Variants in PPP3CA observed in about 807,000 individuals in gnomAD.
PPP3CA encodes protein phosphatase 3 catalytic subunit alpha.
Under a neutral mutation model 66.5 loss-of-function variants are expected in PPP3CA, and 14 were observed. That is an observed-to-expected ratio of 0.21 (90% CI 0.14 to 0.33). The LOEUF is 0.33. PPP3CA is among the 10% of genes least tolerant of loss of function. The pLI, the probability that PPP3CA is intolerant of heterozygous loss-of-function variation, is 1.00. For missense variants in PPP3CA, 317 were observed against 639.5 expected, an observed-to-expected ratio of 0.50 and a Z score of 5.44; for synonymous variants, 232 against 226.2, an observed-to-expected ratio of 1.03 and a Z score of -0.23.
chr4:101,323,123 C>T (rs1373735352), intron 1 of PPP3CA, among the ~76,000 whole-genome samples: 1 of 152,030 alleles, frequency 6.6e-6, no homozygotes, highest in African/African-American at 2.4e-5. Flanking sequence ...CTTTAGGGTC[C>T]CTTGAAGGGC....
chr4:101,204,872 G>C (rs959209977), intron 1 of PPP3CA, among the ~76,000 whole-genome samples: 1 of 150,780 alleles, frequency 6.6e-6, no homozygotes, highest in African/African-American at 2.4e-5. Flanking sequence ...TTGAAGAATT[G>C]TTGTTTTATA....
At chr4:101,073,241 G>A (rs1199884909) in intron 8 of PPP3CA, among the ~76,000 whole-genome samples, 2 of 100,342 alleles carry the variant, frequency 2.0e-5, no homozygotes, top group Non-Finnish European at 4.7e-5. Flanking sequence ...GTGTGTGTGT[G>A]TGTGTGTGTG....
intron 2 of PPP3CA, among the ~76,000 whole-genome samples, chr4:101,116,031 G>A (rs757882727): frequency 2.0e-5 from 3 of 151,900 alleles, no homozygotes; most frequent in African/African-American, 4.8e-5. Flanking sequence ...TCAATACTAC[G>A]ATTTAGAAGT....
At chr4:101,232,020 A>T (rs1226018395) in intron 1 of PPP3CA, among the ~76,000 whole-genome samples, 1 of 151,598 alleles carries the variant, frequency 6.6e-6, no homozygotes, top group African/African-American at 2.4e-5. Flanking sequence ...TATAAGATAT[A>T]AGCTCCCCAA....
At position 101,326,294 on chromosome 4, in the gene PPP3CA, C is replaced by T. The variant is rs1192334275; in HGVS notation, c.58+20445G>A. On this transcript the variant is annotated intron_variant, in intron 1 of 13. Transcript: ENST00000394854. ...TTCTGTTTTTCAATTCCAGCTTGATCACTTACTAGCTCTCTGATCATGAGA... is the reference window on the plus strand; with the variant it reads ...TTCTGTTTTTCAATTCCAGCTTGATTACTTACTAGCTCTCTGATCATGAGA... 3.3e-5 allele frequency among the ~76,000 whole-genome samples: 5 copies of T among 152,280 alleles called. No individual in the cohort carries two copies. The East Asian group carries it at 9.6e-4, about 29-fold the overall frequency.
At chr4:101,184,418 CA>C (rs1724341931) in intron 2 of PPP3CA, among the ~76,000 whole-genome samples, 1 of 152,084 alleles carries the variant, frequency 6.6e-6, no homozygotes, top group Non-Finnish European at 1.5e-5. Context: ...CTACTAGCCA[CA>C]AGTGGCAATT....
chr4:101,309,285 T>C (rs954861053), intron 1 of PPP3CA, among the ~76,000 whole-genome samples: 1 of 152,180 alleles, frequency 6.6e-6, no homozygotes, highest in Non-Finnish European at 1.5e-5. Flanking sequence ...TCTTGGTACT[T>C]CCTGTTGCTT....
intron 2 of PPP3CA, among the ~76,000 whole-genome samples, chr4:101,195,169 G>A (rs1341569125): frequency 2.6e-5 from 4 of 151,628 alleles, no homozygotes; most frequent in Non-Finnish European, 4.4e-5. Context: ...TCGGGAGGTG[G>A]AGGCAGGAGA....
Position 101,093,793 on chromosome 4 carries a change from C to G in PPP3CA, c.765G>C (p.Gly255=). The change falls in exon 6 of 14, where the codon GGG becomes GGC. Residue 255 remains glycine (G), a synonymous_variant. Transcript: ENST00000394854. ...ATTCTTACCTGTAGAAGTATGAACA[C>G]CCCCTGACTGTGTTGTGAGTGAAAT... ...QEHFTHNTVR[G]CSYFYSYPAV... 6.2e-7 allele frequency: 1 copy of G among 1,612,104 alleles called. No homozygotes were observed. Among genetic ancestry groups the G allele is most frequent in the Non-Finnish European group, 8.5e-7 (1 of 1,178,896 alleles).
At chr4:101,283,830 T>A (rs1727756855) in intron 1 of PPP3CA, among the ~76,000 whole-genome samples, 1 of 150,396 alleles carries the variant, frequency 6.6e-6, no homozygotes, top group Non-Finnish European at 1.5e-5. Flanking sequence ...AACACACCAC[T>A]ACTGCTTCCA....
intron 7 of PPP3CA, 103 bp downstream of exon 7, chr4:101,083,083 G>T (rs1203047204): frequency 7.5e-6 from 6 of 795,098 alleles, no homozygotes; most frequent in African/African-American, 3.6e-5. Flanking sequence ...AATTCCTTTT[G>T]GGAGTGAGCC....
chr4:101,320,616 G>C (rs1482528775), intron 1 of PPP3CA, among the ~76,000 whole-genome samples: 1 of 152,006 alleles, frequency 6.6e-6, no homozygotes, highest in South Asian at 2.1e-4. Context: ...CATATAGAAA[G>C]AAACAATGCT....
At chr4:101,147,012 C>A (rs1172807567) in intron 2 of PPP3CA, among the ~76,000 whole-genome samples, 2 of 152,126 alleles carry the variant, frequency 1.3e-5, no homozygotes, top group Non-Finnish European at 2.9e-5. Flanking sequence ...TAACATTCCT[C>A]TGAGATAGGT....
intron 2 of PPP3CA, among the ~76,000 whole-genome samples, chr4:101,138,589 C>T (rs990530421): frequency 2.6e-5 from 4 of 152,120 alleles, no homozygotes; most frequent in African/African-American, 9.7e-5. Flanking sequence ...CTTAAATATT[C>T]CAATGAGCAT....
intron 8 of PPP3CA, among the ~76,000 whole-genome samples, chr4:101,067,810 TATA>T (rs143876116): frequency 0.2 from 29,640 of 146,870 alleles, 3,175 homozygotes; most frequent in Middle Eastern, 0.34. Flanking sequence ...AAACTTAAAG[TATA>T]ATAATAATAA....
At chr4:101,319,902 G>A (rs924179968) in intron 1 of PPP3CA, among the ~76,000 whole-genome samples, 2 of 152,112 alleles carry the variant, frequency 1.3e-5, no homozygotes, top group Admixed American at 1.3e-4. Flanking sequence ...ACTACGTCAT[G>A]TACATGTAGC....
At chr4:101,323,745 T>A (rs1004316070) in intron 1 of PPP3CA, among the ~76,000 whole-genome samples, 1 of 152,202 alleles carries the variant, frequency 6.6e-6, no homozygotes, top group Non-Finnish European at 1.5e-5. Flanking sequence ...AACTACTGTA[T>A]GCATATATTA....
At chr4:101,148,950 G>C (rs2110296916) in intron 2 of PPP3CA, among the ~76,000 whole-genome samples, 1 of 152,162 alleles carries the variant, frequency 6.6e-6, no homozygotes, top group Non-Finnish European at 1.5e-5. Flanking sequence ...CACAGAAATT[G>C]TTCTTACATT....
At chr4:101,061,446 CA>C (rs1728457145) in intron 9 of PPP3CA, among the ~76,000 whole-genome samples, 1 of 151,966 alleles carries the variant, frequency 6.6e-6, no homozygotes, top group Non-Finnish European at 1.5e-5. Context: ...TACTACAAAT[CA>C]ATGAAAGAGA....
Sources: gnomAD v4.1 joint callset for allele counts (sites outside exome capture counted in the v4.1 genomes callset) on GRCh38, gnomAD v4.1.1 for gene constraint, MANE v1.5 for transcripts, NCBI Gene and HGNC (gene_info 2026-07-23, HGNC 2026-07-21) for gene names.